SRD5A2: variants seen among roughly 807,000 people sequenced by gnomAD.
SRD5A2 encodes the protein steroid 5 alpha-reductase 2.
A neutral mutation model predicts 27.4 loss-of-function variants in SRD5A2; 30 were observed. That is an observed-to-expected ratio of 1.10 (90% confidence interval 0.82 to 1.49). The LOEUF (loss-of-function observed/expected upper bound fraction) is 1.49, where lower values mean the gene tolerates loss of function less well. Among genes scored for constraint, SRD5A2 ranks in the 40% most tolerant of loss-of-function variants. The pLI, the probability that SRD5A2 is intolerant of heterozygous loss-of-function variation, is 0.00. For missense variants in SRD5A2, 348 were observed against 323.4 expected (o/e 1.08, Z -0.58); for synonymous variants, 141 against 133.6 (o/e 1.06, Z -0.38).
chr2:31,550,563 G>C (rs1309555497), intron 1 of SRD5A2, among the ~76,000 whole-genome samples: 1 of 151,902 alleles, frequency 6.6e-6, no homozygotes, highest in Non-Finnish European at 1.5e-5. Flanking sequence ...TGGAGATATA[G>C]TTCAGAGATG....
rs190159550 is a variant in SRD5A2 at position 31,559,703 on chromosome 2, T to C, written c.281+20917A>G. Reference sequence around the variant, plus strand: ...AATAAAGATATGAAAGTAAGGTGAATTGACTAATGAAGTTAGCACCTAGAC... The same window carrying C: ...AATAAAGATATGAAAGTAAGGTGAACTGACTAATGAAGTTAGCACCTAGAC... On this transcript the variant is annotated intron_variant, in intron 1 of 4. Transcript: ENST00000622030. 1.5e-4 allele frequency among the ~76,000 whole-genome samples: 23 copies of C among 152,290 alleles called. No homozygotes were observed. In the East Asian group the frequency reaches 4.4e-3, roughly 29 times the overall value.
the SRD5A2 span, among the ~76,000 whole-genome samples, chr2:31,587,099 C>A: frequency 8.1e-4 from 124 of 152,150 alleles, 1 homozygote; most frequent in African/African-American, 2.7e-3. Flanking sequence ...AAAAGATACT[C>A]CCCAAAAGAA....
the SRD5A2 span, among the ~76,000 whole-genome samples, chr2:31,655,143 C>T: frequency 1.3e-5 from 2 of 151,934 alleles, no homozygotes; most frequent in Admixed American, 1.3e-4. Context: ...CCCTTGTCTC[C>T]CAGGCTGGAG....
At chr2:31,539,160 G>A (rs1361910371) in intron 1 of SRD5A2, among the ~76,000 whole-genome samples, 2 of 152,164 alleles carry the variant, frequency 1.3e-5, no homozygotes, top group Admixed American at 6.5e-5. Context: ...GATTCTAAAA[G>A]TTGGAGAGAA....
intron 3 of SRD5A2, among the ~76,000 whole-genome samples, chr2:31,530,791 G>C (rs959597063): frequency 6.6e-6 from 1 of 152,110 alleles, no homozygotes; most frequent in Non-Finnish European, 1.5e-5. Flanking sequence ...CTCATACCCT[G>C]GTTTCTTTGG....
At chr2:31,616,410 C>T in the SRD5A2 span, among the ~76,000 whole-genome samples, 4 of 152,180 alleles carry the variant, frequency 2.6e-5, no homozygotes, top group African/African-American at 9.7e-5. Flanking sequence ...TGAAAGCAGC[C>T]AGGAGGAGAG....
the SRD5A2 span, among the ~76,000 whole-genome samples, chr2:31,610,567 G>C: frequency 6.6e-6 from 1 of 152,040 alleles, no homozygotes; most frequent in East Asian, 1.9e-4. Context: ...TTTCTTCTAA[G>C]ATCAAGAACA....
intron 1 of SRD5A2, among the ~76,000 whole-genome samples, chr2:31,547,862 CATAGATAG>C (rs10587327): frequency 6.6e-6 from 1 of 151,544 alleles, no homozygotes; most frequent in African/African-American, 2.4e-5. Flanking sequence ...CCTCTCTCTA[CATAGATAG>C]ATAGATAGAT....
chr2:31,606,394 T>A, the SRD5A2 span, among the ~76,000 whole-genome samples: 1 of 151,926 alleles, frequency 6.6e-6, no homozygotes, highest in Non-Finnish European at 1.5e-5. Flanking sequence ...TATCAAAACA[T>A]TGTACCCCTT....
chr2:31,653,204 A>T, the SRD5A2 span, among the ~76,000 whole-genome samples: 1 of 152,144 alleles, frequency 6.6e-6, no homozygotes, highest in Admixed American at 6.5e-5. Flanking sequence ...CTCTTGTAAG[A>T]CCAGAGACAC....
chr2:31,528,238 C>T (rs1016258037), intron 4 of SRD5A2, among the ~76,000 whole-genome samples: 1 of 152,130 alleles, frequency 6.6e-6, no homozygotes, highest in African/African-American at 2.4e-5. Flanking sequence ...CCTACCTTCC[C>T]CAGAATCCAG....
chr2:31,625,728 T>G, the SRD5A2 span, among the ~76,000 whole-genome samples: 5 of 152,214 alleles, frequency 3.3e-5, no homozygotes, highest in African/African-American at 1.2e-4. Context: ...ATATCTCTGT[T>G]TTGGTATCAG....
At chr2:31,564,147 A>G (rs1237183876) in intron 1 of SRD5A2, among the ~76,000 whole-genome samples, 1 of 152,102 alleles carries the variant, frequency 6.6e-6, no homozygotes, top group Non-Finnish European at 1.5e-5. Flanking sequence ...TAGGTTAGCA[A>G]TGATATTAAA....
chr2:31,657,942 GA>G, the SRD5A2 span, among the ~76,000 whole-genome samples: 1 of 151,950 alleles, frequency 6.6e-6, no homozygotes, highest in Non-Finnish European at 1.5e-5. Context: ...ATCTCTAGAA[GA>G]AAAAAGTAGA....
chr2:31,531,697 A>G (rs1344190736), intron 2 of SRD5A2, among the ~76,000 whole-genome samples: 1 of 152,240 alleles, frequency 6.6e-6, no homozygotes, highest in Non-Finnish European at 1.5e-5. Flanking sequence ...CAGTGGCACC[A>G]CTGATGGAGA....
chr2:31,584,682 G>C (rs932285870), upstream of SRD5A2, among the ~76,000 whole-genome samples: 1 of 152,124 alleles, frequency 6.6e-6, no homozygotes. Flanking sequence ...TTTTATTATA[G>C]CAAAAATATC....
chr2:31,548,280 AG>A (rs1268088854), intron 1 of SRD5A2, among the ~76,000 whole-genome samples: 1 of 152,186 alleles, frequency 6.6e-6, no homozygotes, highest in Non-Finnish European at 1.5e-5. Flanking sequence ...TGTACATCAA[AG>A]ACACTATTAA....
chr2:31,649,272 T>C, the SRD5A2 span, among the ~76,000 whole-genome samples: 4 of 152,090 alleles, frequency 2.6e-5, no homozygotes, highest in African/African-American at 9.7e-5. Flanking sequence ...AGAGAAAAAG[T>C]GACAAGCAGT....
chr2:31,583,902 G>A (rs949495293), upstream of SRD5A2, among the ~76,000 whole-genome samples: 2 of 152,070 alleles, frequency 1.3e-5, no homozygotes, highest in Admixed American at 1.3e-4. Flanking sequence ...GGAGGCAGCT[G>A]GAGTGAGGGG....
Sources: allele counts gnomAD v4.1 joint callset (sites outside exome capture counted in the v4.1 genomes callset), GRCh38; gene constraint gnomAD v4.1.1; transcripts MANE v1.5; gene names NCBI Gene and HGNC (gene_info 2026-07-23, HGNC 2026-07-21).